The following RILPL1 variants were observed in gnomAD, a reference collection of about 807,000 sequenced individuals.
RILPL1 encodes the protein Rab interacting lysosomal protein like 1.
Under a neutral mutation model 50.3 loss-of-function variants are expected in RILPL1, and 33 were observed. The ratio of observed to expected loss-of-function variants is 0.66; its 90% CI spans 0.50 to 0.88. RILPL1 has a LOEUF of 0.88. Among genes scored for constraint, RILPL1 ranks in the 40% least tolerant of loss-of-function variants. The probability of loss-of-function intolerance (pLI) is 0.00; values close to 1 mark genes in which losing one functional copy is unlikely to be tolerated. For synonymous variants in RILPL1, 205 were observed against 228.6 expected, an observed-to-expected ratio of 0.90 and a Z score of 0.93; for missense variants, 418 against 542.5, an observed-to-expected ratio of 0.77 and a Z score of 2.28.
At chr12:123,505,018 G>T (rs2139349806) in intron 2 of RILPL1, among the ~76,000 whole-genome samples, 1 of 150,172 alleles carries the variant, frequency 6.7e-6, no homozygotes, top group African/African-American at 2.5e-5. Context: ...CCATCAGAAT[G>T]TTCACCCATC....
chr12:123,525,466 G>A (rs1476682657), intron 1 of RILPL1, among the ~76,000 whole-genome samples: 9 of 149,806 alleles, frequency 6.0e-5, no homozygotes, highest in Admixed American at 1.3e-4. Flanking sequence ...TTGGGAGGCC[G>A]AGGTGGGCAG....
intron 1 of RILPL1, among the ~76,000 whole-genome samples, chr12:123,529,045 C>A (rs763499339): frequency 6.6e-6 from 1 of 152,186 alleles, no homozygotes; most frequent in Non-Finnish European, 1.5e-5. Context: ...TCCAGCCACA[C>A]CGACTCTGTG....
At chr12:123,482,979 G>T (rs1435555747) in intron 6 of RILPL1, among the ~76,000 whole-genome samples, 1 of 152,160 alleles carries the variant, frequency 6.6e-6, no homozygotes, top group East Asian at 1.9e-4. Context: ...TACTCACAGG[G>T]CAAGAACTAA....
chr12:123,533,371 A>G lies in RILPL1; in HGVS notation c.112T>C (p.Phe38Leu). 6.4e-7 allele frequency: 1 copy of G among 1,569,844 alleles called. No individual in the cohort carries two copies. Among genetic ancestry groups the G allele is most frequent in the Non-Finnish European group, 8.6e-7 (1 of 1,159,400 alleles). The change falls in exon 1 of 7, where the codon TTC becomes CTC. Residue 38 changes from phenylalanine (F) to leucine (L), a missense_variant. Phe to Leu is a conservative substitution (Grantham distance 22). Coordinates refer to ENST00000376874, the MANE Select transcript of RILPL1 (RefSeq NM_178314.5). This position sits in a 1 kb window ranked among gnomAD's most constrained non-coding sequence, Gnocchi z 6.2. ...YDIASLVGHE[F>L]ERVIDQHGCE... ...CCGTGCTGGTCAATGACCCGCTCGA[A>G]CTCGTGGCCCACAAGCGACGCGATG...
At chr12:123,521,646 TATATACAC>T (rs1399884822) in intron 2 of RILPL1, among the ~76,000 whole-genome samples, 2 of 19,212 alleles carry the variant, frequency 1.0e-4, no homozygotes, top group East Asian at 1.4e-3. Context: ...TATGTGTATA[TATATACAC>T]ATATATGTAT....
chr12:123,516,059 A>AAAAAAAAAAAAAAC (rs1884676098), intron 2 of RILPL1, among the ~76,000 whole-genome samples: 1 of 146,604 alleles, frequency 6.8e-6, no homozygotes, highest in Non-Finnish European at 1.5e-5. Flanking sequence ...AAAAAAAAAA[A>AAAAAAAAAAAAAAC]ATGCCCCGAG....
At chr12:123,505,850 C>T (rs1234460876) in intron 2 of RILPL1, among the ~76,000 whole-genome samples, 3 of 152,152 alleles carry the variant, frequency 2.0e-5, no homozygotes, top group Admixed American at 6.6e-5. Context: ...ATCTCAAACT[C>T]CTGGGCTCAA....
chr12:123,486,364 C>T (rs546923961), intron 4 of RILPL1, among the ~76,000 whole-genome samples: 40 of 152,278 alleles, frequency 2.6e-4, no homozygotes, highest in East Asian at 9.7e-4. Flanking sequence ...GGTGCACACT[C>T]GGCCATTTCT....
At chr12:123,518,031 TAG>T (rs1450131051) in intron 2 of RILPL1, among the ~76,000 whole-genome samples, 1 of 152,140 alleles carries the variant, frequency 6.6e-6, no homozygotes, top group Non-Finnish European at 1.5e-5. Context: ...GTTAAATCCA[TAG>T]AGACAGTAAG....
intron 6 of RILPL1, among the ~76,000 whole-genome samples, chr12:123,476,989 G>A (rs186016718): frequency 1.1e-3 from 160 of 152,248 alleles, no homozygotes; most frequent in African/African-American, 3.6e-3. Context: ...AGCTGCAGGC[G>A]CCATGACCCT....
At position 123,533,158 on chromosome 12, in the gene RILPL1, C is replaced by T. The variant is rs1593615066; in HGVS notation, c.309+16G>A. 1 of 1,518,414 alleles carries T rather than the reference C, an allele frequency of 6.6e-7. No homozygotes were observed. The highest frequency in any genetic ancestry group is 8.8e-7 in the Non-Finnish European group (1 of 1,133,610). 94.1% of individuals were successfully genotyped at this position (1,518,414 alleles called of 1,614,324 possible). ...GGTCCCACTGCCCGGACGGACAGAC[C>T]GAGGCCGCCGCCCACCTTCTGGTGC... On this transcript the variant is annotated intron_variant, in intron 1 of 6. Transcript: ENST00000376874. This position sits in a 1 kb window ranked among gnomAD's most constrained non-coding sequence, Gnocchi z 6.2.
intron 4 of RILPL1, among the ~76,000 whole-genome samples, chr12:123,488,444 C>CA (rs542226782): frequency 0.051 from 3,930 of 76,738 alleles, 126 homozygotes; most frequent in African/African-American, 0.1. Flanking sequence ...GACCCTGTCT[C>CA]AAAAAAAAAA....
At chr12:123,529,833 C>T (rs1247665777) in intron 1 of RILPL1, among the ~76,000 whole-genome samples, 7 of 145,812 alleles carry the variant, frequency 4.8e-5, no homozygotes, top group Admixed American at 7.1e-5. Context: ...GTGATGCCAT[C>T]ATTGCTCTCT....
At chr12:123,512,348 C>CTG (rs1884365554) in intron 2 of RILPL1, among the ~76,000 whole-genome samples, 3 of 91,626 alleles carry the variant, frequency 3.3e-5, no homozygotes, top group East Asian at 3.7e-4. Context: ...TGTGTGAGGT[C>CTG]TGTATGTGTG....
intron 4 of RILPL1, among the ~76,000 whole-genome samples, chr12:123,492,501 A>G (rs1438142174): frequency 6.6e-6 from 1 of 152,156 alleles, no homozygotes; most frequent in East Asian, 1.9e-4. Flanking sequence ...AGTGGTGATG[A>G]GGACACAATA....
intron 6 of RILPL1, chr12:123,475,817 C>T: frequency 1.1e-6 from 1 of 949,388 alleles, no homozygotes; most frequent in Non-Finnish European, 1.6e-6. Context: ...GAAACAAACT[C>T]CACAGACACC....
chr12:123,524,197 A>G (rs1885169291), intron 1 of RILPL1, among the ~76,000 whole-genome samples: 1 of 152,230 alleles, frequency 6.6e-6, no homozygotes, highest in Non-Finnish European at 1.5e-5. Context: ...GAACCAAAAC[A>G]AAGGCTCACG....
rs574565517 is a variant in RILPL1 at position 123,489,617 on chromosome 12, C to T, written c.802-3812G>A. On this transcript the variant is annotated intron_variant, in intron 4 of 6. Transcript: ENST00000376874. The surrounding 1 kb of genome is among the most constrained non-coding windows in gnomAD (Gnocchi z 4.0). ...AGATGGAGGTTACAGTGAGCTGACA[C>T]GGTGCCACTGTACTCCAGCCTGGGC... Among the ~76,000 whole-genome samples the T allele has an allele frequency of 2.2e-4, 34 of 151,670 alleles. No homozygotes were observed. The highest frequency in any genetic ancestry group is 8.2e-4 in the African/African-American group (34 of 41,308).
At chr12:123,478,081 C>T (rs1319269970) in intron 6 of RILPL1, among the ~76,000 whole-genome samples, 1 of 147,798 alleles carries the variant, frequency 6.8e-6, no homozygotes, top group African/African-American at 2.5e-5. Flanking sequence ...ACTGCAGCCG[C>T]GACCTCCTGG....
Sources: allele counts gnomAD v4.1 joint callset (sites outside exome capture counted in the v4.1 genomes callset), GRCh38; gene constraint gnomAD v4.1.1; non-coding constraint Gnocchi (gnomAD v3.1); transcripts MANE v1.5; gene names NCBI Gene and HGNC (gene_info 2026-07-23, HGNC 2026-07-21).